The following MGAT4C variants were observed in gnomAD, a reference collection of about 807,000 sequenced individuals.
MGAT4C encodes MGAT4 family member C.
In MGAT4C, 19 loss-of-function variants were observed where a neutral mutation model predicts 40.1. That is an observed-to-expected ratio of 0.47 (90% CI 0.33 to 0.70). The LOEUF (loss-of-function observed/expected upper bound fraction) is 0.70. Ranked by LOEUF, MGAT4C falls within the 30% of genes least tolerant of loss-of-function variation. MGAT4C has a pLI of 0.02. For synonymous variants in MGAT4C, 181 were observed against 187.1 expected (o/e 0.97, Z 0.27); for missense variants, 491 against 563.2 (o/e 0.87, Z 1.30).
chr12:86,699,120 C>G (rs1950311414), intron 2 of MGAT4C, among the ~76,000 whole-genome samples: 1 of 152,058 alleles, frequency 6.6e-6, no homozygotes, highest in Non-Finnish European at 1.5e-5. Flanking sequence ...TATTACCATA[C>G]AGAAGGACAT....
chr12:86,283,607 T>C (rs2136120604), intron 4 of MGAT4C, among the ~76,000 whole-genome samples: 1 of 152,204 alleles, frequency 6.6e-6, no homozygotes, highest in Middle Eastern at 3.4e-3. Context: ...TAACTTAGCA[T>C]TTCACATGCT....
intron 2 of MGAT4C, among the ~76,000 whole-genome samples, chr12:86,662,136 CTACTAA>C (rs1173902263): frequency 6.6e-6 from 1 of 152,092 alleles, no homozygotes; most frequent in African/African-American, 2.4e-5. Context: ...TCCCAGTGAC[CTACTAA>C]TACTTAGGCA....
intron 1 of MGAT4C, among the ~76,000 whole-genome samples, chr12:86,744,734 T>A (rs1320104634): frequency 6.6e-6 from 1 of 151,558 alleles, no homozygotes; most frequent in Non-Finnish European, 1.5e-5. Flanking sequence ...TGAGTATGGA[T>A]GTGGGTGTGT....
intron 1 of MGAT4C, among the ~76,000 whole-genome samples, chr12:86,150,415 A>G (rs1884127281): frequency 6.6e-6 from 1 of 152,206 alleles, no homozygotes; most frequent in African/African-American, 2.4e-5. Context: ...TTTAGTTATT[A>G]CTCAATAACT....
chr12:86,000,343 A>G (rs1887163013), intron 2 of MGAT4C, among the ~76,000 whole-genome samples: 1 of 152,184 alleles, frequency 6.6e-6, no homozygotes, highest in South Asian at 2.1e-4. Context: ...AGCCATACTG[A>G]TCAAGAAAAA....
chr12:86,440,604 C>G (rs1334563489), intron 2 of MGAT4C, among the ~76,000 whole-genome samples: 1 of 152,028 alleles, frequency 6.6e-6, no homozygotes, highest in Non-Finnish European at 1.5e-5. Context: ...TTCTATTCAA[C>G]ATAGCACTGA....
intron 2 of MGAT4C, among the ~76,000 whole-genome samples, chr12:86,509,132 G>A (rs572326668): frequency 1.3e-5 from 2 of 152,240 alleles, no homozygotes; most frequent in South Asian, 4.1e-4. Flanking sequence ...TGAAGTCCTT[G>A]ACCATGCCTA....
rs556450915 is a variant in MGAT4C at position 85,976,414 on chromosome 12, G to C, written c.*2875C>G. On this transcript the variant is annotated 3_prime_UTR_variant, in exon 5 of 5. Coordinates refer to ENST00000611864, the MANE Select transcript of MGAT4C (RefSeq NM_001351288.2). ...TCTAAATTTCATTGTGCTTTTACAA[G>C]ATACTTTTTTCTTTGATGTCCATAA... 6.6e-6 allele frequency: 1 copy of C among 150,824 alleles called. No homozygotes were observed. The highest frequency in any genetic ancestry group is 1.9e-4 in the East Asian group (1 of 5,170). 9.3% of individuals were successfully genotyped at this position (150,824 alleles called of 1,614,324 possible). A position where few individuals can be genotyped will look rare whatever the true frequency, so the allele number is the denominator to read the frequency against.
intron 2 of MGAT4C, among the ~76,000 whole-genome samples, chr12:86,552,933 A>G (rs1959437729): frequency 6.6e-6 from 1 of 152,100 alleles, no homozygotes; most frequent in Admixed American, 6.5e-5. Context: ...TAATGGCAAA[A>G]CCACAATTAC....
chr12:86,007,398 C>T (rs1887996445), intron 2 of MGAT4C, among the ~76,000 whole-genome samples: 1 of 152,018 alleles, frequency 6.6e-6, no homozygotes, highest in Non-Finnish European at 1.5e-5. Flanking sequence ...TCTCTATTAA[C>T]ATGAAATAGT....
At chr12:86,536,978 A>G (rs1028270314) in intron 2 of MGAT4C, among the ~76,000 whole-genome samples, 3 of 152,212 alleles carry the variant, frequency 2.0e-5, no homozygotes, top group African/African-American at 7.2e-5. Context: ...CAAATGTCCA[A>G]CAATGACAGA....
At chr12:86,494,249 T>G (rs2136326712) in intron 2 of MGAT4C, among the ~76,000 whole-genome samples, 1 of 152,170 alleles carries the variant, frequency 6.6e-6, no homozygotes, top group African/African-American at 2.4e-5. Context: ...GTGAAGTTTA[T>G]CCAACTTTTT....
In MGAT4C at chr12:86,672,532, C is replaced by G. The variant is rs147949581; in HGVS notation, c.-229+54677G>C. ...TAAACGAAATTGACAAACCTTTACC[C>G]ATTCAAAGAAAAAACAAGAGGATCC... On this transcript the variant is annotated intron_variant, in intron 2 of 7. Coordinates refer to the MGAT4C transcript ENST00000548651. Among the ~76,000 whole-genome samples, 742 of 151,834 alleles carry G rather than the reference C, an allele frequency of 4.9e-3. 4 individuals are homozygous for G. Among genetic ancestry groups the G allele is most frequent in the Non-Finnish European group, 5.7e-3 (387 of 67,878 alleles).
intron 2 of MGAT4C, among the ~76,000 whole-genome samples, chr12:86,520,740 T>C (rs1228921024): frequency 6.6e-6 from 1 of 152,098 alleles, no homozygotes; most frequent in Non-Finnish European, 1.5e-5. Context: ...CAAGCACCTG[T>C]TATTTTTTTC....
At chr12:86,762,382 T>C (rs1431316060) in intron 1 of MGAT4C, among the ~76,000 whole-genome samples, 1 of 151,980 alleles carries the variant, frequency 6.6e-6, no homozygotes, top group Non-Finnish European at 1.5e-5. Context: ...GGGCTTAGGG[T>C]CCTTTTCCAA....
At chr12:86,402,317 C>A (rs1386432250) in intron 3 of MGAT4C, among the ~76,000 whole-genome samples, 1 of 151,816 alleles carries the variant, frequency 6.6e-6, no homozygotes, top group Non-Finnish European at 1.5e-5. Flanking sequence ...CCCAGCTACT[C>A]GGGAGGTTGA....
chr12:86,454,306 C>A (rs889744392), intron 2 of MGAT4C, among the ~76,000 whole-genome samples: 5 of 152,080 alleles, frequency 3.3e-5, no homozygotes, highest in Non-Finnish European at 7.4e-5. Context: ...CCACTCACTG[C>A]AGCCTTGACT....
At chr12:86,731,827 A>G (rs577759671) in intron 1 of MGAT4C, among the ~76,000 whole-genome samples, 167 of 152,266 alleles carry the variant, frequency 1.1e-3, no homozygotes, top group Middle Eastern at 6.8e-3. Context: ...TTCGCATCAC[A>G]CAATTTGAGG....
intron 1 of MGAT4C, among the ~76,000 whole-genome samples, chr12:86,816,212 T>C (rs1240554486): frequency 6.6e-6 from 1 of 151,942 alleles, no homozygotes; most frequent in African/African-American, 2.4e-5. Context: ...AATTTCTCTT[T>C]CATATCTCCT....
Sources: allele counts gnomAD v4.1 joint callset (sites outside exome capture counted in the v4.1 genomes callset), GRCh38; gene constraint gnomAD v4.1.1; transcripts MANE v1.5; gene names NCBI Gene and HGNC (gene_info 2026-07-23, HGNC 2026-07-21).